CCDC170: variants seen among roughly 807,000 people sequenced by gnomAD.
CCDC170 encodes the protein coiled-coil domain-containing protein 170.
CCDC170 carries 69 observed loss-of-function variants against 72.6 expected under a neutral mutation model. The ratio of observed to expected loss-of-function variants is 0.95; its 90% confidence interval spans 0.78 to 1.16. The LOEUF is 1.16. Ranked by LOEUF, CCDC170 falls within the 50% of genes most tolerant of loss-of-function variation. The probability of loss-of-function intolerance (pLI) is 0.00; values close to 1 mark genes in which losing one functional copy is unlikely to be tolerated. For missense variants in CCDC170, 852 were observed against 832.5 expected, an observed-to-expected ratio of 1.02 and a Z score of -0.29; for synonymous variants, 300 against 303.9, an observed-to-expected ratio of 0.99 and a Z score of 0.13.
chr6:151,538,421 A>G (rs975858385), intron 3 of CCDC170, 120 bp downstream of exon 3: 54 of 1,016,322 alleles, frequency 5.3e-5, no homozygotes, highest in Admixed American at 7.4e-5. Context: ...ACTCAATTTG[A>G]AAAAAAGTTA....
intron 3 of CCDC170, among the ~76,000 whole-genome samples, chr6:151,543,113 CT>C (rs1782716379): frequency 1.3e-5 from 2 of 152,006 alleles, no homozygotes; most frequent in Non-Finnish European, 2.9e-5. Flanking sequence ...CACTAAATTA[CT>C]GAAATGATTC....
chr6:151,513,615 A>T (rs1782181353), intron 1 of CCDC170, among the ~76,000 whole-genome samples: 1 of 3,930 alleles, frequency 2.5e-4, no homozygotes, highest in Non-Finnish European at 5.8e-4. Context: ...CTCCGTCTCA[A>T]AAAAAAAAAA....
At chr6:151,507,269 C>G (rs941802362) in intron 1 of CCDC170, among the ~76,000 whole-genome samples, 2 of 151,854 alleles carry the variant, frequency 1.3e-5, no homozygotes, top group Non-Finnish European at 2.9e-5. Context: ...GCCTAACATA[C>G]TTTTAAGGAT....
At chr6:151,601,884 G>A (rs1378578626) in intron 9 of CCDC170, among the ~76,000 whole-genome samples, 2 of 152,208 alleles carry the variant, frequency 1.3e-5, no homozygotes, top group African/African-American at 4.8e-5. Flanking sequence ...TGATTGCCCA[G>A]CCAAGTTGAT....
chr6:151,607,037 T>C (rs1776796729), intron 9 of CCDC170, among the ~76,000 whole-genome samples: 1 of 152,100 alleles, frequency 6.6e-6, no homozygotes, highest in Non-Finnish European at 1.5e-5. Flanking sequence ...TATAGTTGAG[T>C]TTTTAAAAAA....
intron 1 of CCDC170, among the ~76,000 whole-genome samples, chr6:151,513,926 A>G (rs1300322497): frequency 2.0e-5 from 3 of 148,182 alleles, no homozygotes; most frequent in Non-Finnish European, 4.4e-5. Context: ...TCTCAAAAAA[A>G]AAAAAAAAAA....
At chr6:151,568,486 C>T (rs1269957931) in intron 5 of CCDC170, among the ~76,000 whole-genome samples, 1 of 152,146 alleles carries the variant, frequency 6.6e-6, no homozygotes, top group East Asian at 1.9e-4. Context: ...ACTGTTGACT[C>T]AACACTTTAA....
chr6:151,519,398 G>A (rs566246799), intron 1 of CCDC170, among the ~76,000 whole-genome samples: 1 of 152,238 alleles, frequency 6.6e-6, no homozygotes, highest in South Asian at 2.1e-4. Flanking sequence ...GTCTTCCCTT[G>A]GTCCCTGAAA....
chr6:151,540,684 G>A (rs1433849127), intron 3 of CCDC170, among the ~76,000 whole-genome samples: 3 of 152,016 alleles, frequency 2.0e-5, no homozygotes, highest in African/African-American at 7.2e-5. Context: ...ACCACACCCA[G>A]CCAGTGTCCC....
At chr6:151,526,422 A>C (rs1195205579) in intron 1 of CCDC170, among the ~76,000 whole-genome samples, 1 of 150,574 alleles carries the variant, frequency 6.6e-6, no homozygotes, top group African/African-American at 2.4e-5. Context: ...GGGTTTCACC[A>C]TGTTGGCCAG....
intron 3 of CCDC170, among the ~76,000 whole-genome samples, chr6:151,540,850 T>C (rs970387879): frequency 6.6e-6 from 1 of 152,006 alleles, no homozygotes; most frequent in Non-Finnish European, 1.5e-5. Flanking sequence ...TTCATAGGAG[T>C]GGTTTTCCTG....
intron 1 of CCDC170, among the ~76,000 whole-genome samples, chr6:151,497,483 C>T (rs891456891): frequency 2.6e-5 from 4 of 152,186 alleles, no homozygotes; most frequent in Admixed American, 1.3e-4. Context: ...GCACTCTTCT[C>T]AAGTTGGATT....
intron 1 of CCDC170, among the ~76,000 whole-genome samples, chr6:151,520,418 C>T (rs1382068692): frequency 1.3e-5 from 2 of 152,210 alleles, no homozygotes; most frequent in African/African-American, 4.8e-5. Flanking sequence ...CTAACTGACT[C>T]CATCTTGTTT....
rs35011106 is a variant in CCDC170 at position 151,620,189 on chromosome 6, C to CAAAAAAAAAAA, written c.*2049_*2059dup. On this transcript the variant is annotated 3_prime_UTR_variant, in exon 11 of 11. Coordinates refer to ENST00000239374, the MANE Select transcript of CCDC170 (RefSeq NM_025059.4). ...CCAATAAATGTAGAATGGATGATTC[C>CAAAAAAAAAAA]AAAAAAAAAAAAAAAAAGAAGAAAG... 3 of 104,650 alleles carry CAAAAAAAAAAA rather than the reference C, an allele frequency of 2.9e-5. No homozygotes were observed. The highest frequency in any genetic ancestry group is 3.8e-5 in the Non-Finnish European group (2 of 52,094). The allele number at this position is 104,650 out of a possible 1,614,324, so 6.5% of individuals were successfully genotyped here.
chr6:151,586,757 G>GTATTT (rs1171970303), intron 7 of CCDC170, among the ~76,000 whole-genome samples: 10 of 151,892 alleles, frequency 6.6e-5, no homozygotes, highest in East Asian at 1.9e-4. Flanking sequence ...GAGCATTGCA[G>GTATTT]TATTTTATTT....
intron 1 of CCDC170, among the ~76,000 whole-genome samples, chr6:151,502,975 C>T (rs895130184): frequency 1.3e-5 from 2 of 152,050 alleles, no homozygotes; most frequent in African/African-American, 4.8e-5. Context: ...GGAGACCATC[C>T]TGGCCAACAT....
chr6:151,556,633 G>C (rs76179420), intron 5 of CCDC170, among the ~76,000 whole-genome samples: 44 of 151,994 alleles, frequency 2.9e-4, no homozygotes, highest in African/African-American at 1.1e-3. Flanking sequence ...GTATTTAACG[G>C]GTACGTGTGC....
intron 1 of CCDC170, among the ~76,000 whole-genome samples, chr6:151,506,828 A>G (rs1782072549): frequency 6.6e-6 from 1 of 152,214 alleles, no homozygotes; most frequent in Non-Finnish European, 1.5e-5. Context: ...TTGAAGGCCT[A>G]AAGAGAAAAG....
chr6:151,533,334 G>A (rs757691268), intron 1 of CCDC170, among the ~76,000 whole-genome samples: 1 of 151,774 alleles, frequency 6.6e-6, no homozygotes, highest in Non-Finnish European at 1.5e-5. Context: ...GATTACAGGT[G>A]TGAGCCGCCG....
Sources: gnomAD v4.1 joint callset for allele counts (sites outside exome capture counted in the v4.1 genomes callset) on GRCh38, gnomAD v4.1.1 for gene constraint, MANE v1.5 for transcripts, NCBI Gene and HGNC (gene_info 2026-07-23, HGNC 2026-07-21) for gene names.